Variants in ANO1 observed in about 807,000 individuals in gnomAD.
ANO1 encodes the protein anoctamin 1.
A neutral mutation model predicts 124.0 loss-of-function variants in ANO1; 59 were observed. The observed-to-expected ratio is 0.48, with a 90% confidence interval of 0.39 to 0.59. The LOEUF (loss-of-function observed/expected upper bound fraction) is 0.59. ANO1 is among the 20% of genes least tolerant of loss of function. The pLI, the probability that ANO1 is intolerant of heterozygous loss-of-function variation, is 0.00. For missense variants in ANO1, 1,059 were observed against 1,328.0 expected, an observed-to-expected ratio of 0.80 and a Z score of 3.15; for synonymous variants, 529 against 532.0, an observed-to-expected ratio of 0.99 and a Z score of 0.08.
At chr11:70,019,964 T>C (rs1856770885) in intron 1 of ANO1, among the ~76,000 whole-genome samples, 1 of 152,208 alleles carries the variant, frequency 6.6e-6, no homozygotes, top group Admixed American at 6.5e-5. Context: ...GCTCTGGGTC[T>C]CTCTGCTTCT....
At chr11:70,175,533 G>A (rs1330566576) in intron 22 of ANO1, among the ~76,000 whole-genome samples, 1 of 152,232 alleles carries the variant, frequency 6.6e-6, no homozygotes, top group Non-Finnish European at 1.5e-5. Flanking sequence ...GTCGTCCAGC[G>A]GGTCACAGCA....
At chr11:70,076,116 C>T (rs149592086), upstream of ANO1, among the ~76,000 whole-genome samples, 144 of 152,016 alleles carry the variant, frequency 9.5e-4, 2 homozygotes, top group East Asian at 0.02. Context: ...GGGGAAGGGG[C>T]GAGAGGAAAC....
intron 22 of ANO1, among the ~76,000 whole-genome samples, chr11:70,174,266 T>C (rs1406526728): frequency 1.3e-5 from 2 of 150,696 alleles, no homozygotes; most frequent in African/African-American, 2.4e-5. Flanking sequence ...AATGTTGGCA[T>C]GCACCTGTAG....
chr11:70,000,321 C>T (rs1047490788), intron 1 of ANO1, among the ~76,000 whole-genome samples: 3 of 151,180 alleles, frequency 2.0e-5, no homozygotes, highest in African/African-American at 7.3e-5. Flanking sequence ...AGAGATGGGC[C>T]GGGGGGGGAT....
chr11:70,017,905 C>A (rs180705572), intron 1 of ANO1, among the ~76,000 whole-genome samples: 117 of 152,246 alleles, frequency 7.7e-4, no homozygotes, highest in African/African-American at 2.6e-3. Context: ...CTAGCTACCC[C>A]CTGCCTGCAA....
intron 1 of ANO1, among the ~76,000 whole-genome samples, chr11:70,024,546 G>C (rs1856858649): frequency 6.6e-6 from 1 of 152,148 alleles, no homozygotes; most frequent in Non-Finnish European, 1.5e-5. Flanking sequence ...GCTTGGCACT[G>C]TGCCAAGGGC....
chr11:69,990,135 C>T (rs575761066), intron 1 of ANO1, among the ~76,000 whole-genome samples: 2 of 152,290 alleles, frequency 1.3e-5, no homozygotes, highest in South Asian at 4.1e-4. Flanking sequence ...TAAACAGTCA[C>T]TTCCCATTCC....
chr11:70,110,708 C>G (rs1057249702), intron 6 of ANO1, among the ~76,000 whole-genome samples: 1 of 152,192 alleles, frequency 6.6e-6, no homozygotes, highest in Non-Finnish European at 1.5e-5. Context: ...AAAAACTTAA[C>G]GCTCTTACTG....
intron 2 of ANO1, among the ~76,000 whole-genome samples, chr11:70,101,009 C>T (rs1469579603): frequency 6.6e-6 from 1 of 152,170 alleles, no homozygotes; most frequent in Non-Finnish European, 1.5e-5. Flanking sequence ...TCACCATCAG[C>T]ATAAGCGACC....
chr11:70,080,409 A>T (rs1188958977), intron 1 of ANO1, among the ~76,000 whole-genome samples: 1 of 152,208 alleles, frequency 6.6e-6, no homozygotes, highest in Non-Finnish European at 1.5e-5. Context: ...GAGTCTTTCA[A>T]AAACATTGCA....
At chr11:69,979,809 G>A in the ANO1 span, among the ~76,000 whole-genome samples, 3 of 152,200 alleles carry the variant, frequency 2.0e-5, no homozygotes. Context: ...CACGTGGTGA[G>A]AACGTAGTTC....
chr11:69,971,222 C>T, the ANO1 span, among the ~76,000 whole-genome samples: 1 of 152,202 alleles, frequency 6.6e-6, no homozygotes, highest in Non-Finnish European at 1.5e-5. Context: ...GTCTCAGTTT[C>T]CTCATCTGTA....
intron 1 of ANO1, among the ~76,000 whole-genome samples, chr11:70,001,885 T>C (rs769482299): frequency 6.6e-6 from 1 of 152,120 alleles, no homozygotes; most frequent in Non-Finnish European, 1.5e-5. Context: ...CTGCAACCTC[T>C]GCTTCTCGAG....
chr11:70,025,883 G>A, intron 1 of ANO1, among the ~76,000 whole-genome samples: 1 of 118,668 alleles, frequency 8.4e-6, no homozygotes, highest in African/African-American at 2.9e-5. Flanking sequence ...TGGTGGTGGT[G>A]ATGATGGTGA....
intron 2 of ANO1, among the ~76,000 whole-genome samples, chr11:70,092,484 G>A (rs2044672522): frequency 6.6e-6 from 1 of 152,168 alleles, no homozygotes; most frequent in Admixed American, 6.5e-5. Flanking sequence ...GTCTGGGGGA[G>A]TGACAGCTTC....
At chr11:70,182,814 AGG>A in intron 24 of ANO1, 128 bp downstream of exon 24, 4 of 936,532 alleles carry the variant, frequency 4.3e-6, no homozygotes, top group East Asian at 3.1e-5. Flanking sequence ...AAGAAGAAGA[AGG>A]AAAAAAAAAA....
At chr11:70,029,223 G>A (rs533355308) in intron 1 of ANO1, among the ~76,000 whole-genome samples, 3 of 152,310 alleles carry the variant, frequency 2.0e-5, no homozygotes, top group Admixed American at 2.0e-4. Context: ...GCCTGGTGGT[G>A]GGGTTGTCCT....
At position 70,069,360 on chromosome 11, in the gene ANO1, G is replaced by A. The variant is rs555407826; in HGVS notation, c.59-9182G>A. On this transcript the variant is annotated intron_variant, in intron 1 of 27. Coordinates refer to the ANO1 transcript ENST00000531349. ...AGGAAACAGGAACAGAGGAGTGGAC[G>A]GCCAAGCACGTCTCAAGGTGCTTGA... is the stretch of plus-strand genomic sequence containing the variant. Among the ~76,000 whole-genome samples, 21 of 152,280 alleles carry A rather than the reference G, an allele frequency of 1.4e-4. No individual in the cohort carries two copies. The East Asian group carries it at 3.7e-3, about 27-fold the overall frequency.
In ANO1 at chr11:70,124,358, C is replaced by G; in HGVS notation, c.906C>G (p.Tyr302Ter). Residue 302 changes from tyrosine (Y) to a stop codon, truncating the protein, a stop_gained, in exon 9 of 26, where the codon TAC becomes TAG. Transcript: ENST00000355303. LOFTEE classifies it high-confidence loss of function. ...NVEFNDRKLL[Y>*]EEWARYGVFY... ...TGCTTCCTCCCCCTCAGCTCCTGTACGAAGAGTGGGCACGCTATGGAGTTT... is the reference window on the plus strand; with the variant it reads ...TGCTTCCTCCCCCTCAGCTCCTGTAGGAAGAGTGGGCACGCTATGGAGTTT... The G allele has an allele frequency of 1.2e-6, 2 of 1,613,844 alleles. No individual in the cohort carries two copies.
Sources: allele counts gnomAD v4.1 joint callset (sites outside exome capture counted in the v4.1 genomes callset), GRCh38; gene constraint gnomAD v4.1.1; transcripts MANE v1.5; gene names NCBI Gene and HGNC (gene_info 2026-07-23, HGNC 2026-07-21).